The following SAMD5 variants were observed in gnomAD, a reference collection of about 807,000 sequenced individuals.
SAMD5 encodes the protein sterile alpha motif domain containing 5, also known as sterile alpha motif domain-containing protein 5.
In SAMD5, 13 loss-of-function variants were observed where a neutral mutation model predicts 11.3. The ratio of observed to expected loss-of-function variants is 1.15; its 90% CI spans 0.75 to 1.83. SAMD5 has a LOEUF of 1.83. Ranked by LOEUF, SAMD5 falls within the 40% of genes most tolerant of loss-of-function variation. The pLI is 0.00. For synonymous variants in SAMD5, 129 were observed against 111.3 expected (o/e 1.16, Z -1.00); for missense variants, 255 against 239.1 (o/e 1.07, Z -0.44).
At chr6:147,718,458 A>T (rs1375878605) in intron 1 of SAMD5, among the ~76,000 whole-genome samples, 1 of 152,220 alleles carries the variant, frequency 6.6e-6, no homozygotes, top group Non-Finnish European at 1.5e-5. Flanking sequence ...GTGTGTCCTT[A>T]GCAGAATGAG....
intron 1 of SAMD5, among the ~76,000 whole-genome samples, chr6:147,587,769 C>T (rs1313785389): frequency 6.6e-6 from 1 of 152,084 alleles, no homozygotes; most frequent in Non-Finnish European, 1.5e-5. Flanking sequence ...TGGGCTCTCC[C>T]TTTGACTATT....
intron 1 of SAMD5, among the ~76,000 whole-genome samples, chr6:147,625,979 G>A (rs903691562): frequency 6.6e-6 from 1 of 152,124 alleles, no homozygotes; most frequent in Non-Finnish European, 1.5e-5. Context: ...TTGCTGTTAA[G>A]GGTAGCCATG....
rs535715552 is a variant in SAMD5, at chr6:147,609,701, C to T, written c.162+100314C>T. The stretch of plus-strand genomic sequence containing the variant: ...CCTCCTGAGTAGCTGGGATTACAGG[C>T]GCCCGCCACCACGCCTGGCTAATTT... On this transcript the variant is annotated intron_variant, in intron 1 of 1. Transcript: ENST00000566741. 2.7e-3 allele frequency among the ~76,000 whole-genome samples: 405 copies of T among 152,146 alleles called. 1 individual carries two copies. The highest frequency in any genetic ancestry group is 8.4e-3 in the African/African-American group (348 of 41,512).
the SAMD5 span, among the ~76,000 whole-genome samples, chr6:147,893,028 C>T: frequency 3.4e-4 from 52 of 152,110 alleles, no homozygotes; most frequent in African/African-American, 1.1e-3. Context: ...GCCTGACCAA[C>T]GTGGTGAAAC....
chr6:147,918,654 G>C, the SAMD5 span, among the ~76,000 whole-genome samples: 2 of 149,924 alleles, frequency 1.3e-5, no homozygotes, highest in South Asian at 2.1e-4. Flanking sequence ...GAAGACTCAG[G>C]ATACAAAATC....
chr6:147,629,956 T>C (rs1327260651), intron 1 of SAMD5, among the ~76,000 whole-genome samples: 1 of 150,938 alleles, frequency 6.6e-6, no homozygotes, highest in Admixed American at 6.6e-5. Context: ...TTCTTTTTTT[T>C]TTTTTTTTTT....
intron 1 of SAMD5, among the ~76,000 whole-genome samples, chr6:147,706,376 C>A (rs555314480): frequency 6.6e-6 from 1 of 152,194 alleles, no homozygotes; most frequent in African/African-American, 2.4e-5. Flanking sequence ...TGCCCGCCAC[C>A]AACCATGCCT....
chr6:147,725,589 G>C (rs1476004252), intron 1 of SAMD5, among the ~76,000 whole-genome samples: 1 of 152,020 alleles, frequency 6.6e-6, no homozygotes, highest in African/African-American at 2.4e-5. Context: ...GGATTTCACC[G>C]TGTTGGCCAG....
intron 1 of SAMD5, among the ~76,000 whole-genome samples, chr6:147,586,991 G>C (rs1326958898): frequency 3.3e-5 from 5 of 152,058 alleles, no homozygotes; most frequent in African/African-American, 4.8e-5. Context: ...AAAAATATCT[G>C]CTTGCTTGCA....
chr6:147,845,489 A>T, the SAMD5 span, among the ~76,000 whole-genome samples: 1 of 152,182 alleles, frequency 6.6e-6, no homozygotes, highest in African/African-American at 2.4e-5. Flanking sequence ...TAAATTTCTC[A>T]TCTGACAAAA....
chr6:147,508,846 G>C lies in SAMD5; in HGVS notation c.-83G>C. On this transcript the variant is annotated 5_prime_UTR_variant, in exon 1 of 2. Coordinates refer to ENST00000367474, the MANE Select transcript of SAMD5 (RefSeq NM_001030060.3). The stretch of plus-strand genomic sequence containing the variant: ...GATACCCTTTTCCCCTTGGAGGAGA[G>C]GATTAAAAGTTCCAAGAACTGGTGC... The C allele has an allele frequency of 5.2e-6, 8 of 1,525,866 alleles. No individual in the cohort carries two copies. Among genetic ancestry groups the C allele is most frequent in the Non-Finnish European group, 7.0e-6 (8 of 1,141,306 alleles). The allele number at this position is 1,525,866 out of a possible 1,614,324, so 94.5% of individuals were successfully genotyped here.
intron 1 of SAMD5, among the ~76,000 whole-genome samples, chr6:147,621,005 C>T (rs112976081): frequency 1.3e-5 from 2 of 151,118 alleles, no homozygotes; most frequent in Admixed American, 6.6e-5. Flanking sequence ...CGCGCACATG[C>T]GCGCGCATGT....
chr6:147,767,096 T>G, the SAMD5 span, among the ~76,000 whole-genome samples: 1 of 152,214 alleles, frequency 6.6e-6, no homozygotes, highest in Non-Finnish European at 1.5e-5. Context: ...AACCAAAAGT[T>G]GTTATGTAAC....
At chr6:147,832,291 G>A in the SAMD5 span, among the ~76,000 whole-genome samples, 2 of 152,112 alleles carry the variant, frequency 1.3e-5, no homozygotes, top group Non-Finnish European at 2.9e-5. Context: ...GCAGGCATGA[G>A]TGTTCATATT....
rs150689707 is a variant in SAMD5, at chr6:147,669,011, C to T, written c.163-68306C>T. 1.6e-3 allele frequency among the ~76,000 whole-genome samples: 246 copies of T among 152,116 alleles called. 6 individuals carry two copies. In the East Asian group the frequency reaches 0.037, roughly 23 times the overall value. On this transcript the variant is annotated intron_variant, in intron 1 of 1. Coordinates refer to the SAMD5 transcript ENST00000566741. Reference sequence around the variant, plus strand: ...CTTTTTGCTGGAGGAGGGTCTTGCCCGATCTTGGTGGCTGCTGACTGATCA... The same window carrying T: ...CTTTTTGCTGGAGGAGGGTCTTGCCTGATCTTGGTGGCTGCTGACTGATCA...
At chr6:147,634,430 A>C (rs753606585) in intron 1 of SAMD5, among the ~76,000 whole-genome samples, 1 of 152,098 alleles carries the variant, frequency 6.6e-6, no homozygotes, top group African/African-American at 2.4e-5. Context: ...CCATGATCCA[A>C]TTATCTCCCA....
chr6:147,602,470 G>A (rs1021521013), intron 1 of SAMD5, among the ~76,000 whole-genome samples: 14 of 152,200 alleles, frequency 9.2e-5, no homozygotes, highest in Admixed American at 3.9e-4. Context: ...TAGGCCAGGC[G>A]TGGTGGCTCA....
chr6:147,848,897 CA>C, the SAMD5 span, among the ~76,000 whole-genome samples: 1 of 152,156 alleles, frequency 6.6e-6, no homozygotes, highest in African/African-American at 2.4e-5. Flanking sequence ...TTCCTTCATA[CA>C]AATTCAGAAA....
chr6:147,832,457 T>C, the SAMD5 span, among the ~76,000 whole-genome samples: 124 of 152,172 alleles, frequency 8.1e-4, no homozygotes, highest in Non-Finnish European at 1.4e-3. Flanking sequence ...ATTCCCCCAA[T>C]ATTCTACCAA....
Sources: gnomAD v4.1 joint callset for allele counts (sites outside exome capture counted in the v4.1 genomes callset) on GRCh38, gnomAD v4.1.1 for gene constraint, MANE v1.5 for transcripts, NCBI Gene and HGNC (gene_info 2026-07-23, HGNC 2026-07-21) for gene names.